The following CELSR1 variants were observed in gnomAD, a reference collection of about 807,000 sequenced individuals.
CELSR1 encodes adhesion G protein-coupled receptor C1.
Under a neutral mutation model 249.1 loss-of-function variants are expected in CELSR1, and 110 were observed. The observed-to-expected ratio is 0.44, with a 90% CI of 0.38 to 0.52. The LOEUF is 0.52. CELSR1 is among the 20% of genes least tolerant of loss of function. CELSR1 has a pLI of 0.00. For missense variants in CELSR1, 4,109 were observed against 4,296.4 expected, an observed-to-expected ratio of 0.96 and a Z score of 1.22; for synonymous variants, 2,113 against 1,900.0, an observed-to-expected ratio of 1.11 and a Z score of -2.92.
chr22:46,491,083 G>A (rs1480921287), intron 1 of CELSR1, among the ~76,000 whole-genome samples: 1 of 151,812 alleles, frequency 6.6e-6, no homozygotes, highest in Non-Finnish European at 1.5e-5. Context: ...CTCCACCCCG[G>A]GCCCTTGGAC....
chr22:46,422,163 T>A (rs1379079722), intron 5 of CELSR1, among the ~76,000 whole-genome samples: 1 of 152,148 alleles, frequency 6.6e-6, no homozygotes, highest in Non-Finnish European at 1.5e-5. Flanking sequence ...TAGAGTGCAG[T>A]GGCACGGTCT....
At chr22:46,466,261 G>T (rs1360360035) in intron 1 of CELSR1, among the ~76,000 whole-genome samples, 2 of 152,206 alleles carry the variant, frequency 1.3e-5, no homozygotes, top group Admixed American at 6.5e-5. Flanking sequence ...GACCCCAGCT[G>T]CTCCCACTCC....
Position 46,409,312 on chromosome 22 carries a change from A to G in CELSR1, c.5060-150T>C. On this transcript the variant is annotated intron_variant, in intron 8 of 34. Coordinates refer to ENST00000674500, the MANE Select transcript of CELSR1 (RefSeq NM_001378328.1). The surrounding 1 kb of genome is among the most constrained non-coding windows in gnomAD (Gnocchi z 9.8). ...GGTCTGAGCCTCCCCTCTGTGACGC[A>G]TCCAGCCCTCACAGTCAGCCACGTG... 1.3e-6 allele frequency: 1 copy of G among 754,486 alleles called. No individual in the cohort carries two copies. The highest frequency in any genetic ancestry group is 2.1e-6 in the Non-Finnish European group (1 of 484,960). 46.7% of individuals were successfully genotyped at this position (754,486 alleles called of 1,614,324 possible).
rs975901975 is a variant in CELSR1, at chr22:46,391,008, C to T, written c.6250+178G>A. Among the ~76,000 whole-genome samples the T allele has an allele frequency of 3.3e-5, 5 of 152,242 alleles. No homozygotes were observed. The highest frequency in any genetic ancestry group is 1.2e-4 in the African/African-American group (5 of 41,454). On this transcript the variant is annotated intron_variant, in intron 16 of 34. Transcript: ENST00000674500. This position sits in a 1 kb window ranked among gnomAD's most constrained non-coding sequence, Gnocchi z 4.3. ...CGCTGCACTGTTCATGTTTCTGTTG[C>T]GCCCTCTGCCTGCTTTGTGTATTTC...
intron 1 of CELSR1, among the ~76,000 whole-genome samples, chr22:46,467,754 A>G (rs1448512127): frequency 6.6e-6 from 1 of 152,004 alleles, no homozygotes; most frequent in Admixed American, 6.6e-5. Context: ...CCTGGGAGGC[A>G]GAGCTTGCAG....
intron 1 of CELSR1, among the ~76,000 whole-genome samples, chr22:46,498,271 AAAAAAGC>A (rs2080432959): frequency 2.3e-4 from 16 of 70,258 alleles, no homozygotes; most frequent in Admixed American, 4.2e-4. Context: ...AAAAAAAAAA[AAAAAAGC>A]GAAACTCTGT....
At chr22:46,467,215 T>G (rs1286332912) in intron 1 of CELSR1, among the ~76,000 whole-genome samples, 1 of 152,192 alleles carries the variant, frequency 6.6e-6, no homozygotes, top group East Asian at 1.9e-4. Flanking sequence ...TAACTTTAAT[T>G]TGCTACATCC....
At chr22:46,400,048 G>A in intron 9 of CELSR1, 146 bp from the exon 10 acceptor site, 1 of 812,252 alleles carries the variant, frequency 1.2e-6, no homozygotes, top group Non-Finnish European at 1.9e-6. Context: ...AGGCAAAGTT[G>A]GCCAGGTGCG....
chr22:46,448,200 G>C lies in CELSR1; in HGVS notation c.4184-8789C>G, dbSNP rs2079842556. ...GTGCTCCTGGTCTGTGAACAAGGAA[G>C]GGGGTGCCCAGAGGGTCTCCACATC... On this transcript the variant is annotated intron_variant, in intron 2 of 34. Transcript: ENST00000674500. The surrounding 1 kb of genome is among the most constrained non-coding windows in gnomAD (Gnocchi z 5.7). Among the ~76,000 whole-genome samples the C allele has an allele frequency of 6.6e-6, 1 of 152,252 alleles. No homozygotes were observed. The highest frequency in any genetic ancestry group is 1.5e-5 in the Non-Finnish European group (1 of 68,046).
chr22:46,376,510 G>A (rs942032747), intron 24 of CELSR1, among the ~76,000 whole-genome samples: 20 of 152,108 alleles, frequency 1.3e-4, no homozygotes, highest in African/African-American at 4.6e-4. Flanking sequence ...GAGTAGCTGG[G>A]ATTACAGGTG....
intron 5 of CELSR1, among the ~76,000 whole-genome samples, chr22:46,419,101 G>A (rs1398226035): frequency 1.3e-5 from 2 of 152,142 alleles, no homozygotes; most frequent in African/African-American, 2.4e-5. Context: ...AAAGCCCCCA[G>A]TTCCATGGGA....
At chr22:46,392,403 G>T (rs571452307) in intron 14 of CELSR1, among the ~76,000 whole-genome samples, 1 of 151,766 alleles carries the variant, frequency 6.6e-6, no homozygotes, top group African/African-American at 2.4e-5. Flanking sequence ...CGTGAGCAAC[G>T]TTCAGACCTG....
chr22:46,525,883 G>A (rs1288648539), intron 1 of CELSR1, among the ~76,000 whole-genome samples: 2 of 152,272 alleles, frequency 1.3e-5, no homozygotes, highest in Non-Finnish European at 2.9e-5. Context: ...CCAGCGTGGG[G>A]TTCTGGCACG....
In CELSR1 at chr22:46,439,201, G is replaced by C; in HGVS notation, c.4394C>G (p.Thr1465Ser). 6.2e-7 allele frequency: 1 copy of C among 1,613,372 alleles called. No individual in the cohort carries two copies. The highest frequency in any genetic ancestry group is 8.5e-7 in the Non-Finnish European group (1 of 1,179,456). ...FRGLRQRFHF[T>S]ISLTFATQER... ...GACGCACACTCACGTGAGGGAGATGGTGAAGTGGAAGCGCTGTCTCAGGCC... is the reference window on the plus strand; with the variant it reads ...GACGCACACTCACGTGAGGGAGATGCTGAAGTGGAAGCGCTGTCTCAGGCC... Residue 1465 changes from threonine (T) to serine (S), a missense_variant, in exon 3 of 35, where the codon ACC (threonine) becomes AGC (serine). By Grantham distance (58) the Thr-to-Ser change is moderately conservative (BLOSUM62 1). This residue lies in a region of CELSR1 where 453 missense variants were observed against 492.0 expected (regional missense o/e 0.92). Transcript: ENST00000674500.
At position 46,391,190 on chromosome 22, in the gene CELSR1, G is replaced by A. The variant is rs147408764; in HGVS notation, c.6246C>T (p.Ser2082=). The A allele has an allele frequency of 1.3e-5, 21 of 1,611,946 alleles. No individual in the cohort carries two copies. Among genetic ancestry groups the A allele is most frequent in the African/African-American group, 5.3e-5 (4 of 74,888 alleles). ...QPAAVPCPKG[S]VGNAVRHCSG... The stretch of plus-strand genomic sequence containing the variant: ...ACACAGGCCACGGCGACTCACCAAC[G>A]GATCCCTTAGGGCATGGCACCGCAG... Residue 2082 remains serine (S), a synonymous_variant, in exon 16 of 35, where the codon TCC becomes TCT. Coordinates refer to ENST00000674500, the MANE Select transcript of CELSR1 (RefSeq NM_001378328.1). This position sits in a 1 kb window ranked among gnomAD's most constrained non-coding sequence, Gnocchi z 4.3.
chr22:46,369,780 TG>T lies in CELSR1; in HGVS notation c.7783del (p.Gln2595ArgfsTer17). ...VTGLAVGLDP[Q>X]GYGNPDFCWL... ...GCAGAAGTCGGGGTTCCCGTAGCCC[TG>T]GGGGTCCAGGCCGACCGCCAGTCCT... On this transcript the variant is annotated frameshift_variant, in exon 26 of 35. Coordinates refer to ENST00000674500, the MANE Select transcript of CELSR1 (RefSeq NM_001378328.1). LOFTEE classifies it high-confidence loss of function. 1 of 1,613,078 alleles carries T rather than the reference TG, an allele frequency of 6.2e-7. No homozygotes were observed. The highest frequency in any genetic ancestry group is 8.5e-7 in the Non-Finnish European group (1 of 1,179,956).
rs1335623124 is a variant in CELSR1 at position 46,381,348 on chromosome 22, A to C, written c.7089-393T>G. On this transcript the variant is annotated intron_variant, in intron 21 of 34. Transcript: ENST00000674500. The surrounding 1 kb of genome is among the most constrained non-coding windows in gnomAD (Gnocchi z 6.0). ...AGTCACTGAGAACCACGTGAACACGAGGATCCCAGAGCCAGGGAAGTATCT... is the reference window on the plus strand; with the variant it reads ...AGTCACTGAGAACCACGTGAACACGCGGATCCCAGAGCCAGGGAAGTATCT... 6.6e-6 allele frequency among the ~76,000 whole-genome samples: 1 copy of C among 152,210 alleles called. No homozygotes were observed. Among genetic ancestry groups the C allele is most frequent in the African/African-American group, 2.4e-5 (1 of 41,454 alleles).
chr22:46,441,341 C>T lies in CELSR1; in HGVS notation c.4184-1930G>A, dbSNP rs1358229540. Among the ~76,000 whole-genome samples, 6 of 151,958 alleles carry T rather than the reference C, an allele frequency of 3.9e-5. No individual in the cohort carries two copies. Among genetic ancestry groups the T allele is most frequent in the Non-Finnish European group, 8.8e-5 (6 of 67,988 alleles). On this transcript the variant is annotated intron_variant, in intron 2 of 34. Transcript: ENST00000674500. The surrounding 1 kb of genome is among the most constrained non-coding windows in gnomAD (Gnocchi z 6.1). ...TTTGGACAGGCACCTGCAATGTCCC[C>T]CCGAGAGGCCTCCAACCACGCTCCG...
rs1332002161 is a variant in CELSR1, at chr22:46,463,749, G to A, written c.4141C>T (p.Arg1381Cys). 5 of 1,543,480 alleles carry A rather than the reference G, an allele frequency of 3.2e-6. No homozygotes were observed. The highest frequency in any genetic ancestry group is 1.4e-5 in the African/African-American group (1 of 72,754). ...PCGANGRCRS[R>C]EGGYTCECFE... Reference sequence around the variant, plus strand: ...CACTCGCAGGTGTAGCCGCCCTCGCGGCTGCGGCAGCGGCCGTTGGCGCCG... The same window carrying A: ...CACTCGCAGGTGTAGCCGCCCTCGCAGCTGCGGCAGCGGCCGTTGGCGCCG... Residue 1381 changes from arginine to cysteine, a missense_variant, in exon 2 of 35, where the codon CGC becomes TGC. Arg to Cys is a radical substitution (Grantham distance 180). Around this residue, in one of 7 missense-constraint regions of CELSR1, gnomAD observed 453 missense variants for 492.0 expected, o/e 0.92. Coordinates refer to ENST00000674500, the MANE Select transcript of CELSR1 (RefSeq NM_001378328.1).
Sources: allele counts gnomAD v4.1 joint callset (sites outside exome capture counted in the v4.1 genomes callset), GRCh38; gene constraint gnomAD v4.1.1; regional missense constraint gnomAD v4.1.1; non-coding constraint Gnocchi (gnomAD v3.1); transcripts MANE v1.5; gene names NCBI Gene and HGNC (gene_info 2026-07-23, HGNC 2026-07-21).